TRDN: variants seen among roughly 807,000 people sequenced by gnomAD.
TRDN encodes triadin.
TRDN carries 161 observed loss-of-function variants against 149.7 expected under a neutral mutation model. The ratio of observed to expected loss-of-function variants is 1.08; its 90% CI spans 0.95 to 1.23. TRDN has a LOEUF of 1.23. Among genes scored for constraint, TRDN ranks in the 50% most tolerant of loss-of-function variants. TRDN has a pLI of 0.00. For missense variants in TRDN, 896 were observed against 823.5 expected (o/e 1.09, Z -1.08); for synonymous variants, 294 against 250.5 (o/e 1.17, Z -1.64).
At chr6:123,264,845 T>C (rs1345975942) in intron 33 of TRDN, among the ~76,000 whole-genome samples, 1 of 152,054 alleles carries the variant, frequency 6.6e-6, no homozygotes, top group Non-Finnish European at 1.5e-5. Context: ...CTAACATTTT[T>C]AGCAGCAAAA....
intron 32 of TRDN, among the ~76,000 whole-genome samples, chr6:123,267,051 G>A (rs1485303604): frequency 8.2e-6 from 1 of 121,650 alleles, no homozygotes; most frequent in Non-Finnish European, 1.6e-5. Flanking sequence ...AGCTTGCAGT[G>A]AGCTGAGATG....
intron 40 of TRDN, 44 bp downstream of exon 40, chr6:123,221,443 T>C: frequency 1.4e-6 from 2 of 1,413,116 alleles, no homozygotes; most frequent in South Asian, 2.6e-5. Flanking sequence ...GTAGCATCTT[T>C]AATACAGAAT....
intron 8 of TRDN, among the ~76,000 whole-genome samples, chr6:123,497,841 T>G (rs918028828): frequency 2.0e-5 from 3 of 152,194 alleles, no homozygotes; most frequent in African/African-American, 7.2e-5. Flanking sequence ...ATATTGTTGT[T>G]AAACTAATCA....
At chr6:123,307,891 A>G (rs891825409) in intron 24 of TRDN, among the ~76,000 whole-genome samples, 1 of 151,974 alleles carries the variant, frequency 6.6e-6, no homozygotes, top group African/African-American at 2.4e-5. Flanking sequence ...TAAAAGGTAC[A>G]TGTGCAGGGT....
At chr6:123,378,563 C>T (rs1326435952) in intron 16 of TRDN, among the ~76,000 whole-genome samples, 1 of 151,832 alleles carries the variant, frequency 6.6e-6, no homozygotes, top group African/African-American at 2.4e-5. Context: ...GAGGTCCACC[C>T]ACCTCAGCCT....
At chr6:123,588,225 A>G (rs1783603312) in intron 1 of TRDN, among the ~76,000 whole-genome samples, 1 of 152,192 alleles carries the variant, frequency 6.6e-6, no homozygotes, top group African/African-American at 2.4e-5. Context: ...AATATGTCAA[A>G]TATATTTTGG....
intron 12 of TRDN, among the ~76,000 whole-genome samples, chr6:123,434,556 A>T (rs1053406901): frequency 2.0e-5 from 3 of 152,122 alleles, no homozygotes; most frequent in Admixed American, 2.0e-4. Flanking sequence ...CAGTTATTTT[A>T]GTCCTTCAAT....
intron 12 of TRDN, among the ~76,000 whole-genome samples, chr6:123,401,478 C>T (rs1772970108): frequency 6.6e-6 from 1 of 152,168 alleles, no homozygotes; most frequent in Admixed American, 6.5e-5. Context: ...ACTTACTCTT[C>T]TGTATTTATT....
At chr6:123,487,672 T>G (rs1367081591) in intron 9 of TRDN, among the ~76,000 whole-genome samples, 1 of 152,152 alleles carries the variant, frequency 6.6e-6, no homozygotes, top group Non-Finnish European at 1.5e-5. Flanking sequence ...ATACAACGTA[T>G]TATTGTCTGA....
intron 35 of TRDN, among the ~76,000 whole-genome samples, chr6:123,256,246 T>C (rs1776557199): frequency 6.6e-6 from 1 of 152,160 alleles, no homozygotes; most frequent in East Asian, 1.9e-4. Context: ...GCTTCATCCA[T>C]GTCCCTGCAA....
chr6:123,607,851 CTTT>C (rs558952808), intron 1 of TRDN, among the ~76,000 whole-genome samples: 2 of 130,498 alleles, frequency 1.5e-5, no homozygotes. Flanking sequence ...CTCTTTTAGT[CTTT>C]TTTTTTTTTT....
At chr6:123,502,484 C>CTTTTTAAAATATATA in intron 8 of TRDN, 1 of 864,682 alleles carries the variant, frequency 1.2e-6, no homozygotes, top group Non-Finnish European at 1.4e-6. Flanking sequence ...AAAATCTTTC[C>CTTTTTAAAATATATA]TTTTTAAAAT....
At chr6:123,535,014 A>G (rs1020341732) in intron 4 of TRDN, among the ~76,000 whole-genome samples, 4 of 152,190 alleles carry the variant, frequency 2.6e-5, no homozygotes, top group Admixed American at 1.3e-4. Flanking sequence ...AGTTGGAATC[A>G]TAAGCCATAT....
intron 12 of TRDN, chr6:123,411,680 G>C (rs1244501919): frequency 1.3e-5 from 2 of 152,166 alleles, no homozygotes; most frequent in Non-Finnish European, 2.9e-5. Flanking sequence ...TTGCCACATA[G>C]TAAGAACTTT....
chr6:123,480,187 A>C lies in TRDN; in HGVS notation c.854-15204T>G, dbSNP rs9490783. ...TATTAGATTTATGTATAAATTGTTT[A>C]GGTCCATAATTAAATATCATTAAAA... On this transcript the variant is annotated intron_variant, in intron 9 of 40. Transcript: ENST00000334268. Among the ~76,000 whole-genome samples, 689 of 151,252 alleles carry C rather than the reference A, an allele frequency of 4.6e-3. 5 individuals carry two copies. Among genetic ancestry groups the C allele is most frequent in the African/African-American group, 0.016 (645 of 41,370 alleles).
intron 35 of TRDN, among the ~76,000 whole-genome samples, chr6:123,258,526 A>G (rs944111559): frequency 3.9e-5 from 6 of 152,124 alleles, no homozygotes; most frequent in Admixed American, 1.3e-4. Context: ...GTGCTGCTGG[A>G]TTCGGATTGC....
intron 19 of TRDN, among the ~76,000 whole-genome samples, chr6:123,373,483 T>C (rs756415194): frequency 8.5e-5 from 13 of 152,200 alleles, no homozygotes; most frequent in Non-Finnish European, 1.6e-4. Context: ...ATATGCTCTA[T>C]TCTGAAGGTG....
chr6:123,442,720 G>C (rs901410644), intron 10 of TRDN, among the ~76,000 whole-genome samples: 2 of 151,874 alleles, frequency 1.3e-5, no homozygotes, highest in Admixed American at 6.6e-5. Flanking sequence ...AATCTTTTTA[G>C]GTAATTTTTT....
In TRDN at chr6:123,559,436, T is replaced by C. The variant is rs557723919; in HGVS notation, c.233-10824A>G. 3.2e-3 allele frequency among the ~76,000 whole-genome samples: 488 copies of C among 150,682 alleles called. 3 individuals carry two copies. The highest frequency in any genetic ancestry group is 0.015 in the East Asian group (77 of 5,172). On this transcript the variant is annotated intron_variant, in intron 2 of 40. Coordinates refer to ENST00000334268, the MANE Select transcript of TRDN (RefSeq NM_006073.4). ...ATCTGCTTCCCTGACTATTCCTGGA[T>C]TACAGCTACATCTCATTGCTGCCCT...
Sources: gnomAD v4.1 joint callset for allele counts (sites outside exome capture counted in the v4.1 genomes callset) on GRCh38, gnomAD v4.1.1 for gene constraint, MANE v1.5 for transcripts, NCBI Gene and HGNC (gene_info 2026-07-23, HGNC 2026-07-21) for gene names.